The following TFEB variants were observed in gnomAD, a reference collection of about 807,000 sequenced individuals.
TFEB encodes T-cell transcription factor EB.
A neutral mutation model predicts 48.0 loss-of-function variants in TFEB; 12 were observed. The observed-to-expected ratio is 0.25, with a 90% CI of 0.16 to 0.40. TFEB has a LOEUF of 0.40. Ranked by LOEUF, TFEB falls within the 10% of genes least tolerant of loss-of-function variation. The pLI is 1.00. For missense variants in TFEB, 509 were observed against 640.3 expected (o/e 0.79, Z 2.21); for synonymous variants, 244 against 261.4 (o/e 0.93, Z 0.64).
rs574006904 is a variant in TFEB, at chr6:41,730,819, C to G, written c.-23+4531G>C. Among the ~76,000 whole-genome samples, 5 of 152,306 alleles carry G rather than the reference C, an allele frequency of 3.3e-5. No homozygotes were observed. The highest frequency in any genetic ancestry group is 7.4e-5 in the Non-Finnish European group (5 of 68,024). On this transcript the variant is annotated intron_variant, in intron 1 of 8. Transcript: ENST00000373033. The surrounding 1 kb of genome is among the most constrained non-coding windows in gnomAD (Gnocchi z 4.1). ...ACAGCTAGGAGTGCATGGTCAGTGG[C>G]CAGGCCAGATGCTACCCAGGGAAAC...
At position 41,724,326 on chromosome 6, in the gene TFEB, C is replaced by T. The variant is rs1328963163; in HGVS notation, c.-23+11024G>A. 6.6e-6 allele frequency among the ~76,000 whole-genome samples: 1 copy of T among 152,156 alleles called. No individual in the cohort carries two copies. Among genetic ancestry groups the T allele is most frequent in the Non-Finnish European group, 1.5e-5 (1 of 68,022 alleles). On this transcript the variant is annotated intron_variant, in intron 1 of 8. Transcript: ENST00000373033. This position sits in a 1 kb window ranked among gnomAD's most constrained non-coding sequence, Gnocchi z 4.4. ...TAAGAAAGGTTAAGCTATTATCGGT[C>T]GTCTGCGTCTCAGGGTGGATGAGTT...
At chr6:41,702,568 C>T (rs927185576) in intron 1 of TFEB, among the ~76,000 whole-genome samples, 7 of 152,128 alleles carry the variant, frequency 4.6e-5, no homozygotes, top group Non-Finnish European at 8.8e-5. Context: ...CGAACCTGCT[C>T]ATGTCCCCTG....
intron 7 of TFEB, 106 bp from the exon 8 acceptor site, chr6:41,686,343 C>T: frequency 6.9e-7 from 1 of 1,448,248 alleles, no homozygotes; most frequent in Non-Finnish European, 9.4e-7. Flanking sequence ...CAGTCTTACC[C>T]AGCAACCCCA....
chr6:41,685,127 C>A, intron 8 of TFEB, 49 bp from the exon 9 acceptor site: 5 of 1,385,076 alleles, frequency 3.6e-6, no homozygotes, highest in African/African-American at 1.5e-5. Context: ...TGGGCACCAG[C>A]CACCAGGACC....
rs1394893398 is a variant in TFEB, at chr6:41,735,391, G to T, written c.-64C>A. On this transcript the variant is annotated 5_prime_UTR_variant, in exon 1 of 9. Transcript: ENST00000373033. ...ATCTGTCCGCCGCCCGCGCCCCGCG[G>T]CTCCGGCAACTTGTCGCAAGTTCGG... is the stretch of plus-strand genomic sequence containing the variant. The T allele has an allele frequency of 3.0e-6, 3 of 985,854 alleles. No homozygotes were observed. Among genetic ancestry groups the T allele is most frequent in the Non-Finnish European group, 3.6e-6 (3 of 830,610 alleles). 61.1% of individuals were successfully genotyped at this position (985,854 alleles called of 1,614,324 possible). A position where few individuals can be genotyped will look rare whatever the true frequency, so the allele number is the denominator to read the frequency against.
intron 1 of TFEB, among the ~76,000 whole-genome samples, chr6:41,716,868 G>C (rs1770758307): frequency 6.6e-6 from 1 of 152,154 alleles, no homozygotes; most frequent in Admixed American, 6.5e-5. Flanking sequence ...CCATCACTCA[G>C]AGTCCCCCAC....
chr6:41,734,283 G>A lies in TFEB; in HGVS notation c.-23+1067C>T. On this transcript the variant is annotated intron_variant, in intron 1 of 8. Coordinates refer to ENST00000373033, the MANE Select transcript of TFEB (RefSeq NM_001271944.2). This position sits in a 1 kb window ranked among gnomAD's most constrained non-coding sequence, Gnocchi z 4.0. ...GGCCCAGCGGGGTTCGCGCAGACAAGCCCCGCCCCGGGCTCCCTCCCTTCC... is the reference window on the plus strand; with the variant it reads ...GGCCCAGCGGGGTTCGCGCAGACAAACCCCGCCCCGGGCTCCCTCCCTTCC... The A allele has an allele frequency of 1.1e-6, 1 of 934,302 alleles. No homozygotes were observed. The highest frequency in any genetic ancestry group is 1.3e-6 in the Non-Finnish European group (1 of 783,460). 57.9% of individuals were successfully genotyped at this position (934,302 alleles called of 1,614,324 possible). A position where few individuals can be genotyped will look rare whatever the true frequency, so the allele number is the denominator to read the frequency against.
intron 1 of TFEB, among the ~76,000 whole-genome samples, chr6:41,732,485 G>T (rs943163207): frequency 2.0e-5 from 3 of 152,160 alleles, no homozygotes; most frequent in Non-Finnish European, 4.4e-5. Flanking sequence ...TAAAAGAAGA[G>T]ATGAATATTC....
chr6:41,709,976 T>TG (rs1455528884), intron 1 of TFEB, among the ~76,000 whole-genome samples: 2 of 151,986 alleles, frequency 1.3e-5, no homozygotes, highest in Non-Finnish European at 2.9e-5. Context: ...TTTGTAGAGA[T>TG]GGGGGTCTCA....
chr6:41,705,351 T>A (rs1006842694), intron 1 of TFEB, among the ~76,000 whole-genome samples: 3 of 152,106 alleles, frequency 2.0e-5, no homozygotes, highest in African/African-American at 7.2e-5. Context: ...CAAATTTTAA[T>A]TGGTCACCTG....
intron 1 of TFEB, among the ~76,000 whole-genome samples, chr6:41,693,548 G>A (rs960506553): frequency 3.9e-5 from 6 of 152,078 alleles, no homozygotes; most frequent in African/African-American, 1.4e-4. Flanking sequence ...AGGCTGCCTG[G>A]CTGCCAGGCC....
At chr6:41,696,716 A>G (rs577243476) in intron 1 of TFEB, among the ~76,000 whole-genome samples, 5 of 152,252 alleles carry the variant, frequency 3.3e-5, no homozygotes, top group African/African-American at 1.2e-4. Flanking sequence ...TAAATAAAAT[A>G]AATTGAAGTG....
chr6:41,715,098 G>A (rs1489341455), intron 1 of TFEB, among the ~76,000 whole-genome samples: 1 of 152,138 alleles, frequency 6.6e-6, no homozygotes, highest in African/African-American at 2.4e-5. Context: ...ACCCCACCTG[G>A]CCTCCAACCA....
At chr6:41,707,987 T>C (rs1581910742) in intron 1 of TFEB, among the ~76,000 whole-genome samples, 1 of 152,336 alleles carries the variant, frequency 6.6e-6, no homozygotes, top group Non-Finnish European at 1.5e-5. Context: ...AAGACGGCTC[T>C]AGGCTCTGTG....
At position 41,683,981 on chromosome 6, in the gene TFEB, AAAGC is replaced by A; in HGVS notation, c.*614_*617del. ...CCAAAGAGACAGGACCAGCAAGTACAAAGCACAGTGTTTACTAAAGGCACAAAGT... is the reference window on the plus strand; with the variant it reads ...CCAAAGAGACAGGACCAGCAAGTACAACAGTGTTTACTAAAGGCACAAAGT... On this transcript the variant is annotated 3_prime_UTR_variant, in exon 9 of 9. Transcript: ENST00000373033. 4.7e-6 allele frequency: 1 copy of A among 211,832 alleles called. No individual in the cohort carries two copies. Among genetic ancestry groups the A allele is most frequent in the Non-Finnish European group, 9.6e-6 (1 of 104,228 alleles). The allele number at this position is 211,832 out of a possible 1,614,324, so 13.1% of individuals were successfully genotyped here.
At chr6:41,733,645 C>T in intron 1 of TFEB, 2 of 985,428 alleles carry the variant, frequency 2.0e-6, no homozygotes, top group South Asian at 4.7e-5. Flanking sequence ...CTGGGGTCAC[C>T]GGCATGGTGA....
chr6:41,721,949 A>G (rs1287540571), intron 1 of TFEB, among the ~76,000 whole-genome samples: 1 of 152,164 alleles, frequency 6.6e-6, no homozygotes, highest in Non-Finnish European at 1.5e-5. Flanking sequence ...AGTCTCTTCC[A>G]ACTCCAACTA....
intron 1 of TFEB, among the ~76,000 whole-genome samples, chr6:41,699,286 G>A (rs1417233184): frequency 6.6e-6 from 1 of 152,214 alleles, no homozygotes; most frequent in Non-Finnish European, 1.5e-5. Context: ...GTTCAGTGTT[G>A]CTCCGTCCAG....
chr6:41,716,398 C>T, intron 1 of TFEB, among the ~76,000 whole-genome samples: 1 of 151,540 alleles, frequency 6.6e-6, no homozygotes, highest in East Asian at 1.9e-4. Flanking sequence ...CAACTGGACC[C>T]CTGAGGGGTG....
Sources: allele counts gnomAD v4.1 joint callset (sites outside exome capture counted in the v4.1 genomes callset), GRCh38; gene constraint gnomAD v4.1.1; non-coding constraint Gnocchi (gnomAD v3.1); transcripts MANE v1.5; gene names NCBI Gene and HGNC (gene_info 2026-07-23, HGNC 2026-07-21).